DST: variants seen among roughly 807,000 people sequenced by gnomAD.
The protein encoded by DST is bullous pemphigoid antigen.
Under a neutral mutation model 875.2 loss-of-function variants are expected in DST, and 253 were observed. The ratio of observed to expected loss-of-function variants is 0.29; its 90% confidence interval spans 0.26 to 0.32. DST has a LOEUF of 0.32. DST is among the 10% of genes least tolerant of loss of function. The pLI is 1.00. For synonymous variants in DST, 3,124 were observed against 3,197.1 expected (o/e 0.98, Z 0.77); for missense variants, 8,287 against 9,111.6 (o/e 0.91, Z 3.68).
intron 103 of DST, among the ~76,000 whole-genome samples, chr6:56,459,468 C>T (rs2094208528): frequency 6.6e-6 from 1 of 152,140 alleles, no homozygotes; most frequent in Non-Finnish European, 1.5e-5. Flanking sequence ...ATAGAAAAGG[C>T]TAGATTTCCA....
intron 89 of DST, 105 bp downstream of exon 89, chr6:56,482,578 T>C: frequency 1.7e-6 from 2 of 1,153,716 alleles, no homozygotes; most frequent in South Asian, 1.6e-5. Context: ...CTTCAGACTG[T>C]CCTGATTGAG....
intron 2 of DST, among the ~76,000 whole-genome samples, chr6:56,920,070 T>G (rs1207586185): frequency 6.6e-6 from 1 of 152,174 alleles, no homozygotes; most frequent in Admixed American, 6.5e-5. Flanking sequence ...ACAACAAATA[T>G]ATAGACTGTT....
chr6:56,929,995 ATT>A (rs1168462107), intron 2 of DST, among the ~76,000 whole-genome samples: 1 of 152,250 alleles, frequency 6.6e-6, no homozygotes, highest in African/African-American at 2.4e-5. Flanking sequence ...ATTCAACTTG[ATT>A]GTATTCCATT....
intron 47 of DST, among the ~76,000 whole-genome samples, chr6:56,596,828 T>C (rs1041437875): frequency 6.6e-6 from 1 of 152,232 alleles, no homozygotes; most frequent in Non-Finnish European, 1.5e-5. Flanking sequence ...TTTGCTCTTA[T>C]AGTAGCATTA....
chr6:56,748,123 C>T (rs1293462633), intron 4 of DST, among the ~76,000 whole-genome samples: 1 of 152,130 alleles, frequency 6.6e-6, no homozygotes, highest in Non-Finnish European at 1.5e-5. Context: ...ACCTGGACAA[C>T]ATATACCAAC....
At chr6:56,590,616 A>AG (rs1269968080) in intron 49 of DST, among the ~76,000 whole-genome samples, 1 of 152,176 alleles carries the variant, frequency 6.6e-6, no homozygotes, top group Non-Finnish European at 1.5e-5. Context: ...GAAAGGAGAA[A>AG]GAAAAAAAAA....
intron 36 of DST, among the ~76,000 whole-genome samples, chr6:56,622,448 C>T (rs113451573): frequency 0.022 from 3,335 of 151,466 alleles, 102 homozygotes; most frequent in African/African-American, 0.076. Context: ...AGGCGGCAGG[C>T]GCCTGTAATC....
intron 90 of DST, among the ~76,000 whole-genome samples, chr6:56,480,006 A>G (rs1398930215): frequency 1.3e-5 from 2 of 152,182 alleles, no homozygotes; most frequent in African/African-American, 4.8e-5. Context: ...GCTCTGTGAC[A>G]TACCTCCTAC....
At chr6:56,751,979 T>C (rs571941845) in intron 4 of DST, among the ~76,000 whole-genome samples, 1 of 152,156 alleles carries the variant, frequency 6.6e-6, no homozygotes, top group African/African-American at 2.4e-5. Context: ...CAAATCTCTA[T>C]AAGTTAATAA....
chr6:56,775,901 A>C (rs1337882435), intron 4 of DST, among the ~76,000 whole-genome samples: 1 of 152,264 alleles, frequency 6.6e-6, no homozygotes, highest in Non-Finnish European at 1.5e-5. Flanking sequence ...CAATTTATGT[A>C]GATATTCTCC....
intron 2 of DST, among the ~76,000 whole-genome samples, chr6:56,952,260 C>G (rs1005900774): frequency 4.6e-5 from 7 of 152,170 alleles, no homozygotes; most frequent in Non-Finnish European, 8.8e-5. Flanking sequence ...ATAGTTGTAT[C>G]TCATTTTTTG....
At chr6:56,619,427 T>C in intron 36 of DST, 5 of 1,612,906 alleles carry the variant, frequency 3.1e-6, no homozygotes, top group Non-Finnish European at 3.4e-6. Flanking sequence ...CTCATGGCTT[T>C]TCTCAAATTG....
At chr6:56,788,566 G>T (rs561312325) in intron 4 of DST, among the ~76,000 whole-genome samples, 1 of 152,274 alleles carries the variant, frequency 6.6e-6, no homozygotes, top group African/African-American at 2.4e-5. Context: ...AATTGTGTAA[G>T]TAATAAAAAT....
chr6:56,900,281 T>A lies in DST; in HGVS notation c.417+140A>T. ...AAACCCTATTCCTTGCTGAAACTCATATGAGTACGCTGCCACTTGTTGGGA... is the reference window on the plus strand; with the variant it reads ...AAACCCTATTCCTTGCTGAAACTCAAATGAGTACGCTGCCACTTGTTGGGA... On this transcript the variant is annotated intron_variant, in intron 3 of 103. Transcript: ENST00000680361. The A allele has an allele frequency of 6.3e-6, 4 of 639,068 alleles. No individual in the cohort carries two copies. In the South Asian group the frequency reaches 6.9e-5, roughly 11 times the overall value. The allele number at this position is 639,068 out of a possible 1,614,324, so 39.6% of individuals were successfully genotyped here. A position where few individuals can be genotyped will look rare whatever the true frequency, so the allele number is the denominator to read the frequency against.
intron 5 of DST, among the ~76,000 whole-genome samples, chr6:56,720,945 C>A (rs2099412608): frequency 1.3e-5 from 2 of 152,026 alleles, no homozygotes; most frequent in South Asian, 4.1e-4. Context: ...AGAGGGGCCC[C>A]CCACCCCCCA....
chr6:56,639,163 A>G, intron 22 of DST, 96 bp downstream of exon 22: 1 of 1,061,682 alleles, frequency 9.4e-7, no homozygotes, highest in Non-Finnish European at 1.4e-6. Context: ...TAAAAGTTAG[A>G]TGGCTTGTAA....
At position 56,617,321 on chromosome 6, in the gene DST, C is replaced by T. The variant is rs1438973756; in HGVS notation, c.4930-2837G>A. 3 of 1,613,732 alleles carry T rather than the reference C, an allele frequency of 1.9e-6. No homozygotes were observed. The highest frequency in any genetic ancestry group is 2.5e-6 in the Non-Finnish European group (3 of 1,179,900). The stretch of plus-strand genomic sequence containing the variant: ...CTTGAGTCCACCAGATGCTCTGCAC[C>T]CTTCAAGCATCCATTCTTCAGCACT... On this transcript the variant is annotated intron_variant, in intron 36 of 103. Coordinates refer to ENST00000680361, the MANE Select transcript of DST (RefSeq NM_001374736.1).
At chr6:56,645,512 TG>T (rs1478279352) in intron 15 of DST, among the ~76,000 whole-genome samples, 1 of 152,110 alleles carries the variant, frequency 6.6e-6, no homozygotes, top group East Asian at 1.9e-4. Flanking sequence ...AGCAAAAAAA[TG>T]TAATAAGAAA....
chr6:56,511,476 T>A (rs2096474571), intron 72 of DST, 76 bp from the exon 73 acceptor site: 1 of 1,266,862 alleles, frequency 7.9e-7, no homozygotes, highest in Admixed American at 2.1e-5. Flanking sequence ...CTGCAATGCA[T>A]CCAGCTGGCA....
Sources: gnomAD v4.1 joint callset for allele counts (sites outside exome capture counted in the v4.1 genomes callset) on GRCh38, gnomAD v4.1.1 for gene constraint, MANE v1.5 for transcripts, NCBI Gene and HGNC (gene_info 2026-07-23, HGNC 2026-07-21) for gene names.